Variants in TMEM108 observed in about 807,000 individuals in gnomAD.
TMEM108 encodes the protein transmembrane protein 108.
TMEM108 carries 12 observed loss-of-function variants against 35.1 expected under a neutral mutation model. That is an observed-to-expected ratio of 0.34 (90% CI 0.22 to 0.55). The LOEUF (loss-of-function observed/expected upper bound fraction) is 0.55, where lower values mean the gene tolerates loss of function less well. Ranked by LOEUF, TMEM108 falls within the 20% of genes least tolerant of loss-of-function variation. The pLI, the probability that TMEM108 is intolerant of heterozygous loss-of-function variation, is 0.89. For missense variants in TMEM108, 680 were observed against 753.3 expected (o/e 0.90, Z 1.14); for synonymous variants, 287 against 308.6 (o/e 0.93, Z 0.73).
At chr3:133,345,182 A>G (rs2071778654) in intron 3 of TMEM108, among the ~76,000 whole-genome samples, 1 of 151,822 alleles carries the variant, frequency 6.6e-6, no homozygotes, top group Non-Finnish European at 1.5e-5. Flanking sequence ...ATAAAGATAC[A>G]GCAATCTGAA....
chr3:133,158,424 C>T (rs73215564), intron 2 of TMEM108, among the ~76,000 whole-genome samples: 15,383 of 142,256 alleles, frequency 0.11, 981 homozygotes, highest in South Asian at 0.17. Flanking sequence ...GCCGAGATCG[C>T]GCCACTGCAC....
At chr3:133,109,940 T>A (rs1417797862) in intron 2 of TMEM108, among the ~76,000 whole-genome samples, 1 of 152,196 alleles carries the variant, frequency 6.6e-6, no homozygotes, top group African/African-American at 2.4e-5. Flanking sequence ...GATTTGTAGC[T>A]ATGACAGATT....
Position 133,112,103 on chromosome 3 carries a change from G to A in TMEM108, c.-47+66083G>A, listed in dbSNP as rs77678655. 4.8e-3 allele frequency among the ~76,000 whole-genome samples: 729 copies of A among 151,866 alleles called. 7 individuals carry two copies. The highest frequency in any genetic ancestry group is 0.017 in the African/African-American group (685 of 41,442). On this transcript the variant is annotated intron_variant, in intron 2 of 5. Transcript: ENST00000321871. Reference sequence around the variant, plus strand: ...AAAACAGTTCTTTTTCCATTGCGGGGGAAACAAAAAAGAAAGAAATTCTGG... The same window carrying A: ...AAAACAGTTCTTTTTCCATTGCGGGAGAAACAAAAAAGAAAGAAATTCTGG...
At chr3:133,313,601 A>C (rs1050974941) in intron 3 of TMEM108, among the ~76,000 whole-genome samples, 2 of 152,164 alleles carry the variant, frequency 1.3e-5, no homozygotes, top group Non-Finnish European at 2.9e-5. Context: ...CCCAAGTCGG[A>C]ATACCACTTA....
At chr3:133,074,708 C>T (rs1041957345) in intron 2 of TMEM108, among the ~76,000 whole-genome samples, 3 of 152,128 alleles carry the variant, frequency 2.0e-5, no homozygotes, top group Non-Finnish European at 2.9e-5. Flanking sequence ...AGGCTAGTCT[C>T]GAACTCCTGA....
At chr3:133,365,416 G>C (rs1384985279) in intron 3 of TMEM108, among the ~76,000 whole-genome samples, 1 of 152,194 alleles carries the variant, frequency 6.6e-6, no homozygotes, top group African/African-American at 2.4e-5. Flanking sequence ...CCTCAGGAAA[G>C]AGAAAAGGGA....
chr3:133,052,709 T>G (rs150276881), intron 2 of TMEM108, among the ~76,000 whole-genome samples: 1 of 152,060 alleles, frequency 6.6e-6, no homozygotes, highest in African/African-American at 2.4e-5. Flanking sequence ...TTTTCTGCCC[T>G]AAATGTTGGA....
At chr3:133,289,839 C>A (rs111943881) in intron 3 of TMEM108, among the ~76,000 whole-genome samples, 5 of 152,138 alleles carry the variant, frequency 3.3e-5, no homozygotes, top group African/African-American at 7.2e-5. Context: ...CCCTGCATTA[C>A]GTTATGCCAC....
At chr3:133,195,519 G>T (rs923150836) in intron 2 of TMEM108, among the ~76,000 whole-genome samples, 1 of 152,012 alleles carries the variant, frequency 6.6e-6, no homozygotes, top group Non-Finnish European at 1.5e-5. Flanking sequence ...TGCAGCATAC[G>T]GTATTTCTGT....
chr3:133,378,850 A>G (rs915510785), intron 3 of TMEM108, among the ~76,000 whole-genome samples: 1 of 151,666 alleles, frequency 6.6e-6, no homozygotes, highest in African/African-American at 2.4e-5. Context: ...CTTCTACTCA[A>G]AAAGGCTGGA....
At chr3:133,086,907 A>G (rs1263649845) in intron 2 of TMEM108, among the ~76,000 whole-genome samples, 1 of 152,218 alleles carries the variant, frequency 6.6e-6, no homozygotes, top group Non-Finnish European at 1.5e-5. Context: ...AAGGATCAGC[A>G]TGCTTTATAG....
chr3:133,148,722 A>G (rs1399920001), intron 2 of TMEM108, among the ~76,000 whole-genome samples: 1 of 152,118 alleles, frequency 6.6e-6, no homozygotes, highest in African/African-American at 2.4e-5. Flanking sequence ...TTGGTCAGGT[A>G]TGGTGGCTCA....
At chr3:133,039,055 T>C (rs371248557) in intron 1 of TMEM108, among the ~76,000 whole-genome samples, 2 of 152,140 alleles carry the variant, frequency 1.3e-5, no homozygotes, top group East Asian at 1.9e-4. Context: ...TTGAACGCTT[T>C]GAGCCTGCTG....
At chr3:133,205,475 A>C (rs1044959167) in intron 2 of TMEM108, among the ~76,000 whole-genome samples, 2 of 152,080 alleles carry the variant, frequency 1.3e-5, no homozygotes, top group Non-Finnish European at 2.9e-5. Context: ...TGCTTCCTTC[A>C]GGAGCTCTTG....
intron 3 of TMEM108, among the ~76,000 whole-genome samples, chr3:133,266,240 T>C (rs114685094): frequency 6.6e-6 from 1 of 152,208 alleles, no homozygotes; most frequent in Admixed American, 6.5e-5. Context: ...TGTATTCTTA[T>C]AAACCACCTA....
intron 2 of TMEM108, among the ~76,000 whole-genome samples, chr3:133,175,388 A>C (rs1020270097): frequency 9.9e-5 from 15 of 152,142 alleles, no homozygotes; most frequent in Non-Finnish European, 2.1e-4. Flanking sequence ...ATTCAAGTTG[A>C]AATGAGGGAA....
intron 3 of TMEM108, among the ~76,000 whole-genome samples, chr3:133,353,925 T>C (rs1301191620): frequency 6.6e-6 from 1 of 152,218 alleles, no homozygotes; most frequent in African/African-American, 2.4e-5. Flanking sequence ...ACTTTGTTTC[T>C]TGACATTCTG....
At chr3:133,345,778 A>G (rs1026376536) in intron 3 of TMEM108, among the ~76,000 whole-genome samples, 2 of 151,968 alleles carry the variant, frequency 1.3e-5, no homozygotes, top group Non-Finnish European at 2.9e-5. Flanking sequence ...TAAAGTTTCC[A>G]GTGACAGGTG....
chr3:133,319,088 A>G (rs1413954258), intron 3 of TMEM108, among the ~76,000 whole-genome samples: 1 of 151,912 alleles, frequency 6.6e-6, no homozygotes, highest in Non-Finnish European at 1.5e-5. Flanking sequence ...GCTTTCCCCC[A>G]CTTCCCTGGT....
Sources: allele counts gnomAD v4.1 joint callset (sites outside exome capture counted in the v4.1 genomes callset), GRCh38; gene constraint gnomAD v4.1.1; transcripts MANE v1.5; gene names NCBI Gene and HGNC (gene_info 2026-07-23, HGNC 2026-07-21).